NBEA: variants seen among roughly 807,000 people sequenced by gnomAD.
NBEA encodes neurobeachin.
NBEA carries 44 observed loss-of-function variants against 343.4 expected under a neutral mutation model. That is an observed-to-expected ratio of 0.13 (90% confidence interval 0.10 to 0.16). NBEA has a LOEUF of 0.16. NBEA is among the 10% of genes least tolerant of loss of function. The pLI is 1.00. For missense variants in NBEA, 2,555 were observed against 3,631.3 expected (o/e 0.70, Z 7.62); for synonymous variants, 1,175 against 1,238.7 (o/e 0.95, Z 1.08).
intron 36 of NBEA, among the ~76,000 whole-genome samples, chr13:35,329,962 A>C (rs2038820144): frequency 6.6e-6 from 1 of 151,920 alleles, no homozygotes; most frequent in Admixed American, 6.6e-5. Context: ...CTCCTATACC[A>C]TGCTTATATT....
intron 48 of NBEA, among the ~76,000 whole-genome samples, chr13:35,621,726 C>T (rs913436524): frequency 1.4e-5 from 2 of 146,342 alleles, no homozygotes; most frequent in African/African-American, 5.1e-5. Flanking sequence ...TCCTTTATTC[C>T]TTCCTCTTGT....
intron 8 of NBEA, among the ~76,000 whole-genome samples, chr13:35,061,829 A>C (rs1414050016): frequency 6.6e-6 from 1 of 151,708 alleles, no homozygotes; most frequent in Admixed American, 6.6e-5. Flanking sequence ...GATAACATCT[A>C]TAGGGTTATG....
chr13:35,378,845 G>A (rs2041873126), intron 38 of NBEA, among the ~76,000 whole-genome samples: 1 of 151,598 alleles, frequency 6.6e-6, no homozygotes, highest in Non-Finnish European at 1.5e-5. Context: ...AATTCTAAGA[G>A]CATTTATTTA....
intron 34 of NBEA, among the ~76,000 whole-genome samples, chr13:35,249,918 C>A (rs1270851354): frequency 6.6e-6 from 1 of 152,170 alleles, no homozygotes. Context: ...AGTTCTGACA[C>A]ATGTTGCCAC....
intron 1 of NBEA, among the ~76,000 whole-genome samples, chr13:34,982,245 T>C (rs1392467523): frequency 6.6e-6 from 1 of 152,022 alleles, no homozygotes; most frequent in Non-Finnish European, 1.5e-5. Flanking sequence ...AGAATTTTGA[T>C]CAGATTAGTT....
chr13:35,235,280 A>G (rs1462655585), intron 34 of NBEA, among the ~76,000 whole-genome samples: 1 of 150,580 alleles, frequency 6.6e-6, no homozygotes, highest in Non-Finnish European at 1.5e-5. Context: ...TTTCTGTAAC[A>G]TGTGTTACTT....
intron 28 of NBEA, among the ~76,000 whole-genome samples, chr13:35,180,188 A>G (rs2071216465): frequency 6.6e-6 from 1 of 151,782 alleles, no homozygotes; most frequent in Non-Finnish European, 1.5e-5. Flanking sequence ...AGAATTTATT[A>G]CTTGCTTGTT....
chr13:35,187,422 T>C (rs2071799004), intron 30 of NBEA, among the ~76,000 whole-genome samples: 1 of 151,228 alleles, frequency 6.6e-6, no homozygotes, highest in South Asian at 2.1e-4. Flanking sequence ...ATAACACTAA[T>C]ATATAATACA....
chr13:35,280,962 C>A (rs967932881), intron 34 of NBEA, among the ~76,000 whole-genome samples: 2 of 151,822 alleles, frequency 1.3e-5, no homozygotes, highest in African/African-American at 2.4e-5. Flanking sequence ...TTTAAAATTA[C>A]GAAGTGACTC....
At chr13:35,320,919 G>A (rs186072804) in intron 36 of NBEA, among the ~76,000 whole-genome samples, 257 of 151,962 alleles carry the variant, frequency 1.7e-3, no homozygotes, top group Non-Finnish European at 2.8e-3. Context: ...TGAAGTTCTC[G>A]TGTTGTGTTT....
intron 46 of NBEA, among the ~76,000 whole-genome samples, chr13:35,584,920 G>A (rs772420447): frequency 1.3e-5 from 2 of 151,740 alleles, no homozygotes; most frequent in Admixed American, 6.6e-5. Context: ...TTACAGGTGT[G>A]AGCCACCACA....
chr13:35,039,588 A>T (rs538338959), intron 1 of NBEA, among the ~76,000 whole-genome samples: 10 of 152,166 alleles, frequency 6.6e-5, no homozygotes, highest in Non-Finnish European at 1.3e-4. Flanking sequence ...CTCTGTGCCT[A>T]TGATTCCTTA....
At chr13:35,544,073 C>A (rs531969725) in intron 41 of NBEA, among the ~76,000 whole-genome samples, 3 of 152,268 alleles carry the variant, frequency 2.0e-5, no homozygotes, top group South Asian at 4.1e-4. Context: ...GCCATTGCCA[C>A]AAATTCCAAA....
rs1014496725 is a variant in NBEA, at chr13:35,164,445, T to G, written c.4169T>G (p.Val1390Gly). ...ACAATTCACCTCATTTCCCAAATGG[T>G]AGACAACATCATCATTGCTTGTGGA... ...HNTIHLISQM[V>G]DNIIIACGGI... The change falls in exon 24 of 59, where the codon GTA (valine) becomes GGA (glycine). Residue 1390 changes from valine (V) to glycine (G), a missense_variant. Physicochemically the swap from Val to Gly is moderately radical, Grantham distance 109. Transcript: ENST00000379939. The G allele has an allele frequency of 1.2e-6, 2 of 1,609,546 alleles. No individual in the cohort carries two copies. The highest frequency in any genetic ancestry group is 1.7e-6 in the Non-Finnish European group (2 of 1,177,656).
At chr13:35,235,103 A>T (rs1034948983) in intron 34 of NBEA, among the ~76,000 whole-genome samples, 11 of 152,196 alleles carry the variant, frequency 7.2e-5, no homozygotes, top group Non-Finnish European at 1.5e-5. Context: ...CCTAAATATT[A>T]TGTTAGCTAA....
rs893678071 is a variant in NBEA at position 35,415,718 on chromosome 13, C to T, written c.6180-16551C>T. On this transcript the variant is annotated intron_variant, in intron 38 of 58. Transcript: ENST00000379939. ...CTTAGGATTGACTTGGCGATGTGGG[C>T]TCTTTTTTGGTTCCATATGAACTTT... Among the ~76,000 whole-genome samples the T allele has an allele frequency of 2.0e-3, 310 of 152,172 alleles. 2 individuals carry two copies. The highest frequency in any genetic ancestry group is 8.8e-4 in the Non-Finnish European group (60 of 67,998).
intron 6 of NBEA, among the ~76,000 whole-genome samples, chr13:35,054,335 ACT>A (rs1387987562): frequency 4.6e-5 from 7 of 151,936 alleles, no homozygotes; most frequent in Non-Finnish European, 8.8e-5. Flanking sequence ...TTTATTTGAC[ACT>A]CTTTTTACGG....
At chr13:35,248,879 G>A (rs1299276291) in intron 34 of NBEA, among the ~76,000 whole-genome samples, 2 of 152,170 alleles carry the variant, frequency 1.3e-5, no homozygotes, top group Admixed American at 1.3e-4. Flanking sequence ...GCCGAGCGTG[G>A]TAGCTCATGC....
At chr13:35,645,650 T>G (rs1020843482) in intron 49 of NBEA, among the ~76,000 whole-genome samples, 3 of 152,166 alleles carry the variant, frequency 2.0e-5, no homozygotes, top group African/African-American at 7.2e-5. Context: ...GAAAATGAAT[T>G]TATACCTTAA....
Sources: gnomAD v4.1 joint callset for allele counts (sites outside exome capture counted in the v4.1 genomes callset) on GRCh38, gnomAD v4.1.1 for gene constraint, MANE v1.5 for transcripts, NCBI Gene and HGNC (gene_info 2026-07-23, HGNC 2026-07-21) for gene names.